CCDC152: variants seen among roughly 807,000 people sequenced by gnomAD.
CCDC152 encodes coiled-coil domain containing 152.
In CCDC152, 37 loss-of-function variants were observed where a neutral mutation model predicts 38.1. The ratio of observed to expected loss-of-function variants is 0.97; its 90% CI spans 0.75 to 1.28. The LOEUF (loss-of-function observed/expected upper bound fraction) is 1.28, where lower values mean the gene tolerates loss of function less well. Ranked by LOEUF, CCDC152 falls within the 50% of genes most tolerant of loss-of-function variation. The pLI is 0.00. For missense variants in CCDC152, 259 were observed against 292.1 expected (o/e 0.89, Z 0.83); for synonymous variants, 83 against 87.1 (o/e 0.95, Z 0.26).
intron 3 of CCDC152, among the ~76,000 whole-genome samples, chr5:42,765,543 A>G (rs1238122839): frequency 6.6e-6 from 1 of 152,206 alleles, no homozygotes; most frequent in African/African-American, 2.4e-5. Flanking sequence ...GCAAAACAGT[A>G]TGATACTGGC....
intron 5 of CCDC152, 28 bp from the exon 6 acceptor site, chr5:42,783,446 A>T (rs754305197): frequency 5.9e-5 from 58 of 986,950 alleles, no homozygotes; most frequent in Non-Finnish European, 7.3e-5. Context: ...TTTAAATTTT[A>T]AAAATTAATA....
intron 8 of CCDC152, 65 bp downstream of exon 8, chr5:42,799,523 A>G (rs1224455781): frequency 2.5e-6 from 3 of 1,217,774 alleles, no homozygotes; most frequent in Non-Finnish European, 3.5e-6. Context: ...TTCTATAAAA[A>G]TCATCTAATT....
At chr5:42,784,673 C>T (rs1187644541) in intron 6 of CCDC152, among the ~76,000 whole-genome samples, 1 of 152,036 alleles carries the variant, frequency 6.6e-6, no homozygotes, top group African/African-American at 2.4e-5. Flanking sequence ...AATTCTTTGC[C>T]TAGGCCAATG....
At position 42,800,685 on chromosome 5, in the gene CCDC152, A is replaced by T; in HGVS notation, c.*904A>T. 6.5e-7 allele frequency: 1 copy of T among 1,540,752 alleles called. No individual in the cohort carries two copies. Among genetic ancestry groups the T allele is most frequent in the African/African-American group, 1.4e-5 (1 of 72,486 alleles). On this transcript the variant is annotated 3_prime_UTR_variant, in exon 9 of 9. Transcript: ENST00000361970. Reference sequence around the variant, plus strand: ...AAATGCTGGAAATGAAATTGTGTCTAGACTAAATTGGGGAGTATGTCCTAT... The same window carrying T: ...AAATGCTGGAAATGAAATTGTGTCTTGACTAAATTGGGGAGTATGTCCTAT...
chr5:42,799,728 G>A lies in CCDC152; in HGVS notation c.712G>A (p.Glu238Lys). 1 of 1,551,314 alleles carries A rather than the reference G, an allele frequency of 6.4e-7. No individual in the cohort carries two copies. The highest frequency in any genetic ancestry group is 8.7e-7 in the Non-Finnish European group (1 of 1,146,830). Residue 238 changes from glutamate (E) to lysine (K), a missense_variant, in exon 9 of 9, where the codon GAG (glutamate) becomes AAG (lysine). Glu to Lys is a moderately conservative substitution (Grantham distance 56). Transcript: ENST00000361970. ...TCTTCGTAATACCATTCGCGATTTA[G>A]AGCAACGCCTTTCTGTTGGCAAAGA... ...AILRNTIRDLEQRLSVGKDSH... is the reference protein window; with the variant it reads ...AILRNTIRDLKQRLSVGKDSH...
intron 2 of CCDC152, among the ~76,000 whole-genome samples, chr5:42,760,795 TTAACCGAGTGATTCC>T (rs1759542259): frequency 6.6e-6 from 1 of 152,210 alleles, no homozygotes; most frequent in African/African-American, 2.4e-5. Flanking sequence ...TTAAGTGTTC[TTAACCGAGTGATTCC>T]TAACATAATA....
In CCDC152 at chr5:42,772,649, C is replaced by CAA. The variant is rs71608661; in HGVS notation, c.262+3000_262+3001dup. On this transcript the variant is annotated intron_variant, in intron 4 of 8. Coordinates refer to ENST00000361970, the MANE Select transcript of CCDC152 (RefSeq NM_001134848.2). ...CTGGCTGCAGAACGAGACTCCGTCT[C>CAA]AAAAAAAAAAAAAAAAATAGCCATT... Among the ~76,000 whole-genome samples the CAA allele has an allele frequency of 9.7e-4, 124 of 128,444 alleles. 7 individuals are homozygous for CAA. Among genetic ancestry groups the CAA allele is most frequent in the Middle Eastern group, 8.8e-3 (2 of 226 alleles). The allele number at this position is 128,444 out of a possible 152,430, so 84.3% of individuals were successfully genotyped here.
At chr5:42,799,335 T>C (rs1271788102) in intron 7 of CCDC152, 40 bp from the exon 8 acceptor site, 7 of 1,005,908 alleles carry the variant, frequency 7.0e-6, no homozygotes, top group Admixed American at 2.5e-5. Context: ...TGTTTCTAAT[T>C]GTCTAGAGTT....
chr5:42,774,275 C>T (rs2113088), intron 4 of CCDC152, among the ~76,000 whole-genome samples: 67,765 of 151,820 alleles, frequency 0.45, 15,308 homozygotes, highest in East Asian at 0.58. Context: ...TTCAGGGGAC[C>T]CAATCCCATA....
At chr5:42,775,036 A>AT (rs1237421776) in intron 4 of CCDC152, among the ~76,000 whole-genome samples, 16 of 151,674 alleles carry the variant, frequency 1.1e-4, no homozygotes, top group Non-Finnish European at 1.5e-4. Context: ...AAAAAAAAAA[A>AT]AGACTAGGAA....
At chr5:42,791,481 C>G (rs577936496) in intron 6 of CCDC152, among the ~76,000 whole-genome samples, 8 of 152,208 alleles carry the variant, frequency 5.3e-5, no homozygotes, top group African/African-American at 1.9e-4. Flanking sequence ...TACTTTTTTA[C>G]CCCTCACCAG....
intron 6 of CCDC152, among the ~76,000 whole-genome samples, chr5:42,794,681 T>G (rs1760050890): frequency 1.3e-5 from 2 of 152,190 alleles, no homozygotes; most frequent in African/African-American, 4.8e-5. Context: ...TAACTCTACC[T>G]TAGAACATAT....
chr5:42,768,797 G>T (rs1374598383), intron 3 of CCDC152, among the ~76,000 whole-genome samples: 1 of 152,164 alleles, frequency 6.6e-6, no homozygotes, highest in East Asian at 1.9e-4. Context: ...TGGAAGATTT[G>T]CATGGACATA....
intron 6 of CCDC152, among the ~76,000 whole-genome samples, chr5:42,796,464 T>C (rs1760077118): frequency 6.6e-6 from 1 of 152,192 alleles, no homozygotes; most frequent in South Asian, 2.1e-4. Flanking sequence ...TGGAATAGTA[T>C]AGCAGGGGCT....
At chr5:42,783,105 C>T (rs1009862652) in intron 5 of CCDC152, among the ~76,000 whole-genome samples, 1 of 151,898 alleles carries the variant, frequency 6.6e-6, no homozygotes, top group Non-Finnish European at 1.5e-5. Flanking sequence ...CTCCTGACCT[C>T]GTGATCTGCC....
Position 42,800,969 on chromosome 5 carries a change from G to A in CCDC152, c.*1188G>A, listed in dbSNP as rs1760179386. ...TCAGATGTCGACAATGGCAGCATCA[G>A]CTCCTAGGAGCCAACTCTGAATCTG... On this transcript the variant is annotated 3_prime_UTR_variant, in exon 9 of 9. Transcript: ENST00000361970. 3.7e-6 allele frequency: 6 copies of A among 1,614,106 alleles called. No homozygotes were observed. Among genetic ancestry groups the A allele is most frequent in the Non-Finnish European group, 2.5e-6 (3 of 1,180,050 alleles).
At chr5:42,798,927 G>A (rs1181643680) in intron 7 of CCDC152, among the ~76,000 whole-genome samples, 1 of 152,144 alleles carries the variant, frequency 6.6e-6, no homozygotes, top group African/African-American at 2.4e-5. Flanking sequence ...CCTGCAGAAA[G>A]CTAGGTGAGG....
chr5:42,760,236 G>A (rs1759533202), intron 2 of CCDC152, among the ~76,000 whole-genome samples: 1 of 150,794 alleles, frequency 6.6e-6, no homozygotes, highest in Non-Finnish European at 1.5e-5. Context: ...CCCGGGAGGC[G>A]GAGCTTGCAG....
At chr5:42,793,100 T>C (rs749486890) in intron 6 of CCDC152, among the ~76,000 whole-genome samples, 19 of 152,312 alleles carry the variant, frequency 1.2e-4, no homozygotes, top group Non-Finnish European at 2.5e-4. Context: ...TAATGGAAAT[T>C]ACTCAGCAAT....
Sources: gnomAD v4.1 joint callset for allele counts (sites outside exome capture counted in the v4.1 genomes callset) on GRCh38, gnomAD v4.1.1 for gene constraint, MANE v1.5 for transcripts, NCBI Gene and HGNC (gene_info 2026-07-23, HGNC 2026-07-21) for gene names.